The following PARD3 variants were observed in gnomAD, a reference collection of about 807,000 sequenced individuals.
The protein encoded by PARD3 is par-3 family cell polarity regulator.
In PARD3, 75 loss-of-function variants were observed where a neutral mutation model predicts 155.4. The ratio of observed to expected loss-of-function variants is 0.48; its 90% CI spans 0.40 to 0.58. PARD3 has a LOEUF of 0.58. Ranked by LOEUF, PARD3 falls within the 20% of genes least tolerant of loss-of-function variation. PARD3 has a pLI of 0.00. For synonymous variants in PARD3, 576 were observed against 610.5 expected (o/e 0.94, Z 0.83); for missense variants, 1,642 against 1,721.7 (o/e 0.95, Z 0.82).
intron 4 of PARD3, among the ~76,000 whole-genome samples, chr10:34,464,514 T>G (rs2077882531): frequency 6.6e-6 from 1 of 152,152 alleles, no homozygotes; most frequent in Non-Finnish European, 1.5e-5. Context: ...AGGAATCTAG[T>G]CAAAGAAAAT....
chr10:34,186,901 T>C (rs186461131), intron 22 of PARD3, among the ~76,000 whole-genome samples: 1 of 152,316 alleles, frequency 6.6e-6, no homozygotes, highest in Admixed American at 6.5e-5. Flanking sequence ...GTCTTCCCTG[T>C]AGAGCTAGCT....
intron 22 of PARD3, among the ~76,000 whole-genome samples, chr10:34,254,453 GATCT>G (rs1271734707): frequency 1.3e-5 from 2 of 152,056 alleles, no homozygotes; most frequent in East Asian, 3.9e-4. Flanking sequence ...TAACATCTAT[GATCT>G]CTCTTTTTGT....
At chr10:34,344,708 A>T in intron 15 of PARD3, 1 of 985,422 alleles carries the variant, frequency 1.0e-6, no homozygotes, top group African/African-American at 1.7e-5. Context: ...AATGTCCAGG[A>T]CTATTACAAA....
chr10:34,412,419 C>A (rs907116729), intron 5 of PARD3, among the ~76,000 whole-genome samples: 1 of 152,194 alleles, frequency 6.6e-6, no homozygotes, highest in African/African-American at 2.4e-5. Context: ...TAAGGACCCA[C>A]ACTTTACCTC....
intron 2 of PARD3, among the ~76,000 whole-genome samples, chr10:34,605,346 A>ACCACGCCT: frequency 6.7e-6 from 1 of 148,424 alleles, no homozygotes; most frequent in South Asian, 2.1e-4. Context: ...GGCGCCTACC[A>ACCACGCCT]CCACGCCTGG....
At position 34,191,379 on chromosome 10, in the gene PARD3, T is replaced by A. The variant is rs370239834; in HGVS notation, c.3420-59796A>T. ...GTAGTCTGTGCTATAAGTAGAGGAA[T>A]CACTAACCCAACCAGTCACTGGCTG... is the stretch of plus-strand genomic sequence containing the variant. On this transcript the variant is annotated intron_variant, in intron 22 of 24. Coordinates refer to ENST00000374788, the MANE Select transcript of PARD3 (RefSeq NM_001184785.2). 3.3e-5 allele frequency among the ~76,000 whole-genome samples: 5 copies of A among 152,032 alleles called. No homozygotes were observed. In the East Asian group the frequency reaches 9.8e-4, roughly 30 times the overall value.
At chr10:34,297,103 A>C (rs1956945691) in intron 20 of PARD3, among the ~76,000 whole-genome samples, 1 of 152,156 alleles carries the variant, frequency 6.6e-6, no homozygotes, top group Non-Finnish European at 1.5e-5. Flanking sequence ...CAGAAGTTCA[A>C]GACCAGCCTG....
At chr10:34,495,224 GT>G (rs1192425537) in intron 3 of PARD3, among the ~76,000 whole-genome samples, 3 of 151,754 alleles carry the variant, frequency 2.0e-5, no homozygotes, top group Middle Eastern at 3.5e-3. Context: ...AGTGGTCACT[GT>G]GTTCTGGCAT....
At chr10:34,445,810 A>C (rs536419029) in intron 5 of PARD3, among the ~76,000 whole-genome samples, 8 of 151,786 alleles carry the variant, frequency 5.3e-5, no homozygotes, top group African/African-American at 1.9e-4. Context: ...AGTCCTATTT[A>C]GCTTACTCAA....
At chr10:34,639,866 ACACACACAC>A (rs1324435468) in intron 2 of PARD3, among the ~76,000 whole-genome samples, 1 of 152,100 alleles carries the variant, frequency 6.6e-6, no homozygotes, top group Non-Finnish European at 1.5e-5. Context: ...ACACACACAC[ACACACACAC>A]CACACACACA....
At chr10:34,413,883 T>C (rs1037006228) in intron 5 of PARD3, among the ~76,000 whole-genome samples, 1 of 152,194 alleles carries the variant, frequency 6.6e-6, no homozygotes, top group African/African-American at 2.4e-5. Context: ...CTTGTGACAC[T>C]AGTAATAACA....
At chr10:34,303,349 AACTTT>A (rs1957247901) in intron 20 of PARD3, among the ~76,000 whole-genome samples, 1 of 152,056 alleles carries the variant, frequency 6.6e-6, no homozygotes, top group Admixed American at 6.6e-5. Context: ...AGTTGATCTA[AACTTT>A]ACTTTCTCAA....
At chr10:34,668,089 A>G (rs1172642983) in intron 2 of PARD3, among the ~76,000 whole-genome samples, 2 of 152,214 alleles carry the variant, frequency 1.3e-5, no homozygotes, top group Non-Finnish European at 2.9e-5. Context: ...TAAGCAAGAC[A>G]GTAACTACCA....
chr10:34,496,795 T>C (rs1036025962), intron 3 of PARD3, among the ~76,000 whole-genome samples: 2 of 152,196 alleles, frequency 1.3e-5, no homozygotes, highest in Non-Finnish European at 2.9e-5. Flanking sequence ...CAGCCAAATA[T>C]AAAGCAACAT....
intron 2 of PARD3, among the ~76,000 whole-genome samples, chr10:34,671,478 C>A (rs545743130): frequency 1.3e-5 from 2 of 152,186 alleles, no homozygotes; most frequent in South Asian, 4.2e-4. Flanking sequence ...AATTCTTTGG[C>A]ATTTCATATT....
intron 22 of PARD3, among the ~76,000 whole-genome samples, chr10:34,168,623 C>T (rs951404152): frequency 1.3e-5 from 2 of 152,114 alleles, no homozygotes; most frequent in African/African-American, 4.8e-5. Context: ...CTGACAGGCC[C>T]TCCCCGCGAA....
intron 22 of PARD3, among the ~76,000 whole-genome samples, chr10:34,252,570 C>T (rs543906829): frequency 6.6e-6 from 1 of 152,286 alleles, no homozygotes; most frequent in Admixed American, 6.5e-5. Context: ...AGGGAAATGG[C>T]AGCGGCCCTT....
At chr10:34,543,139 C>G (rs1208630030) in intron 2 of PARD3, among the ~76,000 whole-genome samples, 1 of 151,336 alleles carries the variant, frequency 6.6e-6, no homozygotes, top group African/African-American at 2.4e-5. Context: ...AAGCAATTAG[C>G]CAGACATCAG....
Position 34,264,370 on chromosome 10 carries a change from C to T in PARD3, c.3419+5287G>A, listed in dbSNP as rs562117068. 5.3e-5 allele frequency among the ~76,000 whole-genome samples: 8 copies of T among 152,252 alleles called. No individual in the cohort carries two copies. In the South Asian group the frequency reaches 6.2e-4, roughly 12 times the overall value. On this transcript the variant is annotated intron_variant, in intron 22 of 24. Coordinates refer to ENST00000374788, the MANE Select transcript of PARD3 (RefSeq NM_001184785.2). ...CAACTTACAATGAGCTTATCAGGAC[C>T]GAACACCATTGAAAGTTGAGAAGCA... is the stretch of plus-strand genomic sequence containing the variant.
Sources: gnomAD v4.1 joint callset for allele counts (sites outside exome capture counted in the v4.1 genomes callset) on GRCh38, gnomAD v4.1.1 for gene constraint, MANE v1.5 for transcripts, NCBI Gene and HGNC (gene_info 2026-07-23, HGNC 2026-07-21) for gene names.